PAQR8: variants seen among roughly 807,000 people sequenced by gnomAD.
PAQR8 encodes membrane progestin receptor beta.
PAQR8 carries 17 observed loss-of-function variants against 25.2 expected under a neutral mutation model. The observed-to-expected ratio is 0.67, with a 90% CI of 0.46 to 1.01. The LOEUF (loss-of-function observed/expected upper bound fraction) is 1.01. Ranked by LOEUF, PAQR8 falls within the 50% of genes least tolerant of loss-of-function variation. PAQR8 has a pLI of 0.00. For missense variants in PAQR8, 392 were observed against 448.4 expected, an observed-to-expected ratio of 0.87 and a Z score of 1.14; for synonymous variants, 204 against 190.6, an observed-to-expected ratio of 1.07 and a Z score of -0.58.
chr6:52,385,687 A>C (rs1763625173), intron 1 of PAQR8, among the ~76,000 whole-genome samples: 1 of 152,176 alleles, frequency 6.6e-6, no homozygotes, highest in Non-Finnish European at 1.5e-5. Flanking sequence ...GTTTGAGACC[A>C]GCCTGGGCAA....
At chr6:52,398,197 C>CTT (rs869087625) in intron 1 of PAQR8, among the ~76,000 whole-genome samples, 1 of 133,712 alleles carries the variant, frequency 7.5e-6, no homozygotes. Context: ...TTTTTCTTTT[C>CTT]TTTTTTCTTT....
intron 1 of PAQR8, among the ~76,000 whole-genome samples, chr6:52,382,763 G>T (rs1205245095): frequency 6.6e-6 from 1 of 152,096 alleles, no homozygotes; most frequent in Non-Finnish European, 1.5e-5. Flanking sequence ...GGGTGGGAAG[G>T]GAATGGGTAG....
rs923887704 is a variant in PAQR8 at position 52,390,180 on chromosome 6, C to T, written c.-52-12982C>T. The stretch of plus-strand genomic sequence containing the variant: ...GACTTCTCCCACTCGACAGATTAAA[C>T]ACAGATACTATTTATTCCATGTGGC... On this transcript the variant is annotated intron_variant, in intron 1 of 1. Transcript: ENST00000442253. 4.6e-5 allele frequency among the ~76,000 whole-genome samples: 7 copies of T among 152,316 alleles called. No individual in the cohort carries two copies. In the South Asian group the frequency reaches 1.2e-3, roughly 27 times the overall value.
At chr6:52,375,549 C>T (rs1411862986) in intron 1 of PAQR8, among the ~76,000 whole-genome samples, 2 of 152,044 alleles carry the variant, frequency 1.3e-5, no homozygotes, top group African/African-American at 4.8e-5. Flanking sequence ...CACTCTGTCA[C>T]CTAGGTTGGA....
At chr6:52,396,634 A>G (rs566942056) in intron 1 of PAQR8, among the ~76,000 whole-genome samples, 43 of 152,358 alleles carry the variant, frequency 2.8e-4, no homozygotes, top group African/African-American at 9.6e-4. Flanking sequence ...ATTATTGATG[A>G]TGAAAGGTCA....
chr6:52,393,426 C>G (rs1476774302), intron 1 of PAQR8, among the ~76,000 whole-genome samples: 1 of 145,708 alleles, frequency 6.9e-6, no homozygotes, highest in Non-Finnish European at 1.5e-5. Context: ...GCCTCAATCT[C>G]CTGGGCTCAA....
At chr6:52,383,668 A>AG (rs1400658249) in intron 1 of PAQR8, among the ~76,000 whole-genome samples, 1 of 151,828 alleles carries the variant, frequency 6.6e-6, no homozygotes, top group Non-Finnish European at 1.5e-5. Flanking sequence ...CTCAAAAAAA[A>AG]AAAAAAAAAC....
intron 1 of PAQR8, among the ~76,000 whole-genome samples, chr6:52,378,879 C>T (rs1311856291): frequency 6.6e-6 from 1 of 151,170 alleles, no homozygotes; most frequent in African/African-American, 2.4e-5. Flanking sequence ...GGTGGATCAC[C>T]TGAGGTCAGG....
At chr6:52,363,258 C>T (rs1763312526) in intron 1 of PAQR8, among the ~76,000 whole-genome samples, 1 of 152,172 alleles carries the variant, frequency 6.6e-6, no homozygotes, top group Non-Finnish European at 1.5e-5. Flanking sequence ...GCTGTGGGTG[C>T]TCCAGGCACT....
intron 1 of PAQR8, among the ~76,000 whole-genome samples, chr6:52,391,157 T>C (rs961725847): frequency 6.6e-6 from 1 of 152,240 alleles, no homozygotes; most frequent in Non-Finnish European, 1.5e-5. Context: ...TTTAAATTTG[T>C]TTTTTCCTTT....
intron 1 of PAQR8, among the ~76,000 whole-genome samples, chr6:52,364,083 G>GTTTGTTTTTTTTT (rs1763322434): frequency 1.2e-5 from 1 of 84,268 alleles, no homozygotes; most frequent in African/African-American, 4.6e-5. Flanking sequence ...TGAAAGATAT[G>GTTTGTTTTTTTTT]TTTTTTTTTT....
At chr6:52,402,949 T>G (rs6458839) in intron 1 of PAQR8, among the ~76,000 whole-genome samples, 14,421 of 152,134 alleles carry the variant, frequency 0.095, 1,150 homozygotes, top group Admixed American at 0.26. Flanking sequence ...CCGGGCGTGT[T>G]GGCGTGCATC....
At chr6:52,363,786 C>T (rs1329247323) in intron 1 of PAQR8, among the ~76,000 whole-genome samples, 1 of 152,182 alleles carries the variant, frequency 6.6e-6, no homozygotes, top group African/African-American at 2.4e-5. Flanking sequence ...CACCCTTGAC[C>T]AGGTCAACTG....
intron 1 of PAQR8, among the ~76,000 whole-genome samples, chr6:52,394,638 T>A (rs1054574184): frequency 5.9e-5 from 9 of 152,206 alleles, no homozygotes; most frequent in African/African-American, 2.2e-4. Context: ...TGTTGCCAGA[T>A]GACTTTCCCC....
rs772565123 is a variant in PAQR8, at chr6:52,403,988, G to T, written c.775G>T (p.Ala259Ser). The change falls in exon 2 of 2, where the codon GCT (alanine) becomes TCT (serine). Residue 259 changes from alanine to serine, a missense_variant. Transcript: ENST00000442253. ...TLQILFFLVS[A>S]YFFSCPVPEK... The stretch of plus-strand genomic sequence containing the variant: ...CCAGATCCTCTTCTTCCTGGTTAGC[G>T]CTTATTTCTTCTCCTGCCCCGTGCC... 1 of 1,614,152 alleles carries T rather than the reference G, an allele frequency of 6.2e-7. No individual in the cohort carries two copies. The highest frequency in any genetic ancestry group is 8.5e-7 in the Non-Finnish European group (1 of 1,180,038).
chr6:52,397,581 C>G (rs1289533641), intron 1 of PAQR8, among the ~76,000 whole-genome samples: 3 of 152,188 alleles, frequency 2.0e-5, no homozygotes, highest in Non-Finnish European at 4.4e-5. Flanking sequence ...TCCTCTGCGG[C>G]CTTTGTAGCC....
chr6:52,372,753 G>GAT (rs376675829), intron 1 of PAQR8, among the ~76,000 whole-genome samples: 30,137 of 137,892 alleles, frequency 0.22, 3,209 homozygotes, highest in Middle Eastern at 0.29. Context: ...TATATATATG[G>GAT]ATATATATAT....
At chr6:52,366,969 C>T (rs921296086) in intron 1 of PAQR8, among the ~76,000 whole-genome samples, 8 of 152,162 alleles carry the variant, frequency 5.3e-5, no homozygotes, top group African/African-American at 1.9e-4. Flanking sequence ...TGGTCTCGAA[C>T]TCCTGACCTC....
At chr6:52,397,476 C>T (rs9296677) in intron 1 of PAQR8, among the ~76,000 whole-genome samples, 13,806 of 152,220 alleles carry the variant, frequency 0.091, 1,115 homozygotes, top group Admixed American at 0.26. Context: ...CTCTAGTTTA[C>T]ACTTGTTTAT....
Sources: allele counts gnomAD v4.1 joint callset (sites outside exome capture counted in the v4.1 genomes callset), GRCh38; gene constraint gnomAD v4.1.1; transcripts MANE v1.5; gene names NCBI Gene and HGNC (gene_info 2026-07-23, HGNC 2026-07-21).